Variants in RANBP17 observed in about 807,000 individuals in gnomAD.
The protein encoded by RANBP17 is RAN binding protein 17, also known as ran-binding protein 17.
A neutral mutation model predicts 141.2 loss-of-function variants in RANBP17; 158 were observed. The observed-to-expected ratio is 1.12, with a 90% CI of 0.98 to 1.28. RANBP17 has a LOEUF of 1.28. RANBP17 is among the 50% of genes most tolerant of loss of function. The pLI is 0.00. For missense variants in RANBP17, 1,438 were observed against 1,290.7 expected, an observed-to-expected ratio of 1.11 and a Z score of -1.75; for synonymous variants, 430 against 450.0, an observed-to-expected ratio of 0.96 and a Z score of 0.56.
chr5:170,968,251 G>A lies in RANBP17; in HGVS notation c.1584G>A (p.Gln528=). ...MDGELSCRVF[Q]LISLMDTGLP... ...TTTTCCCTTCATGAAGAGTTTTTCAGCTTATATCTTTAATGGATACCGGAT... is the reference window on the plus strand; with the variant it reads ...TTTTCCCTTCATGAAGAGTTTTTCAACTTATATCTTTAATGGATACCGGAT... The change falls in exon 14 of 28, where the codon CAG becomes CAA. Residue 528 remains glutamine (Q), a synonymous_variant. Transcript: ENST00000523189. The A allele has an allele frequency of 6.4e-7, 1 of 1,572,638 alleles. No homozygotes were observed. The highest frequency in any genetic ancestry group is 2.1e-5 in the Admixed American group (1 of 47,506).
intron 14 of RANBP17, among the ~76,000 whole-genome samples, chr5:171,087,286 C>A (rs1433577286): frequency 6.6e-6 from 1 of 152,092 alleles, no homozygotes; most frequent in Non-Finnish European, 1.5e-5. Flanking sequence ...GAGTGGGATT[C>A]TTAATCCTGA....
At chr5:170,983,492 ATATGT>A (rs990227006) in intron 14 of RANBP17, among the ~76,000 whole-genome samples, 18 of 152,204 alleles carry the variant, frequency 1.2e-4, no homozygotes, top group Non-Finnish European at 1.9e-4. Flanking sequence ...AGTATCATAA[ATATGT>A]TAGGGAGTCA....
At chr5:171,251,787 T>A in intron 24 of RANBP17, 5 of 1,135,878 alleles carry the variant, frequency 4.4e-6, no homozygotes, top group Non-Finnish European at 6.7e-6. Flanking sequence ...GCCTCTGTGA[T>A]TGGGTGGAAG....
intron 14 of RANBP17, among the ~76,000 whole-genome samples, chr5:170,973,899 A>G (rs1000682849): frequency 2.6e-5 from 4 of 152,202 alleles, no homozygotes; most frequent in African/African-American, 9.6e-5. Context: ...AGTCTCATCC[A>G]TGAGAGCTCT....
chr5:171,281,373 T>A (rs1767850668), intron 25 of RANBP17, among the ~76,000 whole-genome samples: 1 of 152,212 alleles, frequency 6.6e-6, no homozygotes, highest in African/African-American at 2.4e-5. Flanking sequence ...TTAATGTGGC[T>A]TCTTATTTTA....
chr5:171,061,698 G>A (rs1290197953), intron 14 of RANBP17, among the ~76,000 whole-genome samples: 1 of 152,164 alleles, frequency 6.6e-6, no homozygotes, highest in African/African-American at 2.4e-5. Context: ...GCAGAGCTCA[G>A]TTCAAATCCT....
intron 24 of RANBP17, among the ~76,000 whole-genome samples, chr5:171,257,525 C>T (rs1765978202): frequency 6.6e-6 from 1 of 152,110 alleles, no homozygotes; most frequent in African/African-American, 2.4e-5. Context: ...ATTTCCACCA[C>T]TCTTATTCTA....
intron 18 of RANBP17, among the ~76,000 whole-genome samples, chr5:171,190,363 G>A (rs969467536): frequency 2.0e-5 from 3 of 152,266 alleles, no homozygotes; most frequent in South Asian, 4.1e-4. Flanking sequence ...CCATTTTATC[G>A]GATTGCTTTA....
chr5:171,194,973 C>G (rs556901195), intron 18 of RANBP17, among the ~76,000 whole-genome samples: 1 of 152,146 alleles, frequency 6.6e-6, no homozygotes, highest in Non-Finnish European at 1.5e-5. Flanking sequence ...TTAGAACTTA[C>G]AAAATGAATA....
At chr5:170,921,152 T>C (rs1021448497) in intron 11 of RANBP17, among the ~76,000 whole-genome samples, 1 of 152,220 alleles carries the variant, frequency 6.6e-6, no homozygotes, top group African/African-American at 2.4e-5. Context: ...GTTTTAGTCA[T>C]GAAGTCCTTG....
At chr5:171,147,351 G>A (rs1758110001) in intron 14 of RANBP17, among the ~76,000 whole-genome samples, 1 of 144,198 alleles carries the variant, frequency 6.9e-6, no homozygotes, top group African/African-American at 2.6e-5. Context: ...GTGTGTGTGT[G>A]TGTGTGTGTG....
intron 22 of RANBP17, among the ~76,000 whole-genome samples, chr5:171,232,951 AG>A (rs1390916784): frequency 6.6e-6 from 1 of 152,152 alleles, no homozygotes; most frequent in African/African-American, 2.4e-5. Context: ...TGTGAGTTTC[AG>A]TCATTCATTC....
intron 14 of RANBP17, among the ~76,000 whole-genome samples, chr5:171,090,666 G>A (rs1411849453): frequency 6.6e-6 from 1 of 151,980 alleles, no homozygotes; most frequent in African/African-American, 2.4e-5. Flanking sequence ...AAAAAAAAAT[G>A]GTTTCATGGG....
chr5:170,925,269 G>C (rs768675625), intron 12 of RANBP17, among the ~76,000 whole-genome samples: 7 of 152,030 alleles, frequency 4.6e-5, no homozygotes, highest in Admixed American at 6.6e-5. Context: ...ATTTTTAGAA[G>C]ATTATCCTTT....
chr5:171,124,010 C>T (rs1023418257), intron 14 of RANBP17, among the ~76,000 whole-genome samples: 5 of 152,118 alleles, frequency 3.3e-5, no homozygotes, highest in African/African-American at 1.2e-4. Flanking sequence ...CACATTAATT[C>T]TCTAAAGTAA....
At chr5:171,256,678 G>C (rs2128009658) in intron 24 of RANBP17, among the ~76,000 whole-genome samples, 1 of 152,190 alleles carries the variant, frequency 6.6e-6, no homozygotes, top group South Asian at 2.1e-4. Flanking sequence ...CCACTAGCTA[G>C]ACTAACCAAG....
chr5:171,168,012 C>A (rs546232065), intron 14 of RANBP17, among the ~76,000 whole-genome samples: 2 of 152,228 alleles, frequency 1.3e-5, no homozygotes, highest in East Asian at 3.9e-4. Context: ...CTAGTAGATC[C>A]AGACCGTGTC....
In RANBP17 at chr5:170,918,718, G is replaced by T. The variant is rs145882855; in HGVS notation, c.960G>T (p.Leu320Phe). 2.5e-6 allele frequency: 4 copies of T among 1,601,250 alleles called. No individual in the cohort carries two copies. The highest frequency in any genetic ancestry group is 1.3e-5 in the African/African-American group (1 of 74,108). ...CTTTTTGTCTCATAATTTAGGGTTTGTCTGATCCAGGTAATTATCATGAAT... is the reference window on the plus strand; with the variant it reads ...CTTTTTGTCTCATAATTTAGGGTTTTTCTGATCCAGGTAATTATCATGAAT... ...VKRILENPQG[L>F]SDPGNYHEFC... The change falls in exon 10 of 28, where the codon TTG becomes TTT. Residue 320 changes from leucine (L) to phenylalanine (F), a missense_variant. Physicochemically the swap from Leu to Phe is conservative, Grantham distance 22 (BLOSUM62 0). Transcript: ENST00000523189.
At chr5:170,896,208 C>T in intron 5 of RANBP17, 93 bp downstream of exon 5, 1 of 811,994 alleles carries the variant, frequency 1.2e-6, no homozygotes, top group Non-Finnish European at 2.0e-6. Flanking sequence ...AGACAGCCTT[C>T]ATTTTGTGGC....
Sources: gnomAD v4.1 joint callset for allele counts (sites outside exome capture counted in the v4.1 genomes callset) on GRCh38, gnomAD v4.1.1 for gene constraint, MANE v1.5 for transcripts, NCBI Gene and HGNC (gene_info 2026-07-23, HGNC 2026-07-21) for gene names.